Variants in SLC1A3 observed in about 807,000 individuals in gnomAD.
SLC1A3 encodes the protein solute carrier family 1 member 3, also known as excitatory amino acid transporter 1.
SLC1A3 carries 21 observed loss-of-function variants against 48.1 expected under a neutral mutation model. The ratio of observed to expected loss-of-function variants is 0.44; its 90% CI spans 0.31 to 0.63. SLC1A3 has a LOEUF of 0.63. Among genes scored for constraint, SLC1A3 ranks in the 20% least tolerant of loss-of-function variants. The pLI, the probability that SLC1A3 is intolerant of heterozygous loss-of-function variation, is 0.08. For missense variants in SLC1A3, 546 were observed against 689.0 expected (o/e 0.79, Z 2.32); for synonymous variants, 239 against 251.4 (o/e 0.95, Z 0.47).
intron 1 of SLC1A3, among the ~76,000 whole-genome samples, chr5:36,598,003 T>C (rs1738764478): frequency 6.6e-6 from 1 of 152,166 alleles, no homozygotes; most frequent in Non-Finnish European, 1.5e-5. Context: ...ACTGCCACGA[T>C]TTTGCCCCAC....
Position 36,683,859 on chromosome 5 carries a change from A to G in SLC1A3, c.1290-5A>G, listed in dbSNP as rs1158354141. On this transcript the variant is annotated splice_polypyrimidine_tract_variant and splice_region_variant and intron_variant, in intron 8 of 9. Transcript: ENST00000265113. The stretch of plus-strand genomic sequence containing the variant: ...TGTTTTCTGTTCTGGTACTTCTGTT[A>G]ACAGCATCACAGCCACAGCTGCCAG... The G allele has an allele frequency of 6.2e-7, 1 of 1,614,204 alleles. No individual in the cohort carries two copies. Among genetic ancestry groups the G allele is most frequent in the Non-Finnish European group, 8.5e-7 (1 of 1,180,038 alleles).
chr5:36,657,504 A>T (rs1318879676), intron 3 of SLC1A3, among the ~76,000 whole-genome samples: 1 of 138,564 alleles, frequency 7.2e-6, no homozygotes. Flanking sequence ...GTACTTTTCT[A>T]AAAAAACCCT....
intron 2 of SLC1A3, among the ~76,000 whole-genome samples, chr5:36,617,462 G>A (rs1298751787): frequency 2.8e-5 from 3 of 108,464 alleles, no homozygotes; most frequent in Admixed American, 2.6e-4. Flanking sequence ...TACTTATGTA[G>A]TAAATAAATT....
intron 2 of SLC1A3, among the ~76,000 whole-genome samples, chr5:36,616,884 A>G (rs1739458366): frequency 6.6e-6 from 1 of 152,198 alleles, no homozygotes; most frequent in Non-Finnish European, 1.5e-5. Flanking sequence ...AAAAGTAGTC[A>G]TGCTTTTATT....
chr5:36,633,379 A>C lies in SLC1A3; in HGVS notation c.319+3792A>C, dbSNP rs112530553. ...GTGTTGGGCATGATGTAAGTAAAAG[A>C]GGTGAGAGAGGAGTGTCAACACGAG... On this transcript the variant is annotated intron_variant, in intron 3 of 9. Coordinates refer to ENST00000265113, the MANE Select transcript of SLC1A3 (RefSeq NM_004172.5). Among the ~76,000 whole-genome samples, 788 of 152,300 alleles carry C rather than the reference A, an allele frequency of 5.2e-3. 1 individual carries two copies. The highest frequency in any genetic ancestry group is 8.7e-3 in the Non-Finnish European group (593 of 68,030).
At chr5:36,613,618 A>ACGAT (rs1739298582) in intron 2 of SLC1A3, 1 of 152,134 alleles carries the variant, frequency 6.6e-6, no homozygotes, top group Non-Finnish European at 1.5e-5. Context: ...AATCCAAACA[A>ACGAT]CGATGGACAG....
Position 36,687,045 on chromosome 5 carries a change from A to T in SLC1A3, c.*776A>T, listed in dbSNP as rs1337854013. The T allele has an allele frequency of 6.6e-6, 1 of 152,444 alleles. No homozygotes were observed. Among genetic ancestry groups the T allele is most frequent in the African/African-American group, 2.4e-5 (1 of 41,468 alleles). 9.4% of individuals were successfully genotyped at this position (152,444 alleles called of 1,614,324 possible). Reference sequence around the variant, plus strand: ...ACTTCAATGGGAGTGAACATTTCTAACTAAGGACAGGATGGCTGTGTGTGG... The same window carrying T: ...ACTTCAATGGGAGTGAACATTTCTATCTAAGGACAGGATGGCTGTGTGTGG... On this transcript the variant is annotated 3_prime_UTR_variant, in exon 10 of 10. Transcript: ENST00000265113.
rs1343219155 is a variant in SLC1A3 at position 36,686,956 on chromosome 5, T to G, written c.*687T>G. ...CATCCTGTGATGTCATGAAAGCACC[T>G]GCCCTCTGTTTCCCCTCAGAACACC... On this transcript the variant is annotated 3_prime_UTR_variant, in exon 10 of 10. Coordinates refer to ENST00000265113, the MANE Select transcript of SLC1A3 (RefSeq NM_004172.5). 1 of 155,360 alleles carries G rather than the reference T, an allele frequency of 6.4e-6. No homozygotes were observed. The highest frequency in any genetic ancestry group is 1.9e-4 in the East Asian group (1 of 5,256). The allele number at this position is 155,360 out of a possible 1,614,324, so 9.6% of individuals were successfully genotyped here. A position where few individuals can be genotyped will look rare whatever the true frequency, so the allele number is the denominator to read the frequency against.
chr5:36,629,427 CTTTTTT>C lies in SLC1A3; in HGVS notation c.182-13_182-8del, dbSNP rs78316512. On this transcript the variant is annotated splice_polypyrimidine_tract_variant and intron_variant, in intron 2 of 9. Transcript: ENST00000265113. The stretch of plus-strand genomic sequence containing the variant: ...CAAAAAAGACTCAATTTTTCTTTTT[CTTTTTT>C]TTTTTTTTTCCTTCAGGTACAATCC... 3 of 1,456,486 alleles carry C rather than the reference CTTTTTT, an allele frequency of 2.1e-6. No individual in the cohort carries two copies. Among genetic ancestry groups the C allele is most frequent in the South Asian group, 1.2e-5 (1 of 85,396 alleles). 90.2% of individuals were successfully genotyped at this position (1,456,486 alleles called of 1,614,324 possible). A position where few individuals can be genotyped will look rare whatever the true frequency, so the allele number is the denominator to read the frequency against.
upstream of SLC1A3, among the ~76,000 whole-genome samples, chr5:36,602,784 G>A (rs1273096518): frequency 1.3e-5 from 2 of 152,172 alleles, no homozygotes; most frequent in Admixed American, 1.3e-4. Flanking sequence ...TTCTGCCCTT[G>A]CTCAGTCCTC....
At chr5:36,678,780 G>C (rs900716195) in intron 6 of SLC1A3, among the ~76,000 whole-genome samples, 2 of 152,210 alleles carry the variant, frequency 1.3e-5, no homozygotes, top group Non-Finnish European at 2.9e-5. Flanking sequence ...ATTGTCTGCA[G>C]AAGGAAAGCT....
chr5:36,663,964 A>G (rs1741627666), intron 3 of SLC1A3, among the ~76,000 whole-genome samples: 1 of 152,192 alleles, frequency 6.6e-6, no homozygotes, highest in East Asian at 1.9e-4. Context: ...AATGTCCATA[A>G]AATTTCTGTT....
chr5:36,628,748 A>C lies in SLC1A3; in HGVS notation c.182-702A>C, dbSNP rs532887715. The stretch of plus-strand genomic sequence containing the variant: ...TTTTAAAGTTTCAGTTGTAGAGGGA[A>C]AATTAAGGGGAAAATTGCGTTCTCT... On this transcript the variant is annotated intron_variant, in intron 2 of 9. Transcript: ENST00000265113. Among the ~76,000 whole-genome samples, 204 of 152,318 alleles carry C rather than the reference A, an allele frequency of 1.3e-3. 2 individuals are homozygous for C. Among genetic ancestry groups the C allele is most frequent in the African/African-American group, 4.8e-3 (201 of 41,566 alleles).
At chr5:36,677,451 A>C (rs1385117551) in intron 6 of SLC1A3, among the ~76,000 whole-genome samples, 3 of 152,058 alleles carry the variant, frequency 2.0e-5, no homozygotes, top group Non-Finnish European at 4.4e-5. Flanking sequence ...TCATTTCTCC[A>C]TTTTTTATCT....
intron 3 of SLC1A3, among the ~76,000 whole-genome samples, chr5:36,653,929 C>T (rs1390058245): frequency 2.0e-5 from 3 of 152,224 alleles, no homozygotes; most frequent in Non-Finnish European, 4.4e-5. Context: ...CTGCAACCTT[C>T]GCCTCCTGAG....
chr5:36,625,487 A>G (rs1368643885), intron 2 of SLC1A3, among the ~76,000 whole-genome samples: 1 of 152,160 alleles, frequency 6.6e-6, no homozygotes, highest in African/African-American at 2.4e-5. Flanking sequence ...AAATAGATAC[A>G]ATAATATCTA....
At chr5:36,671,339 C>G in intron 4 of SLC1A3, 106 bp downstream of exon 4, 1 of 783,558 alleles carries the variant, frequency 1.3e-6, no homozygotes, top group Non-Finnish European at 2.2e-6. Flanking sequence ...ACCAGCCTTG[C>G]CAGGCTTGAA....
At chr5:36,672,459 CAA>C (rs1407521415) in intron 4 of SLC1A3, among the ~76,000 whole-genome samples, 1 of 152,226 alleles carries the variant, frequency 6.6e-6, no homozygotes, top group Non-Finnish European at 1.5e-5. Context: ...CCTGTCTTCC[CAA>C]AGACTAGCTC....
At chr5:36,655,110 G>A (rs1182562211) in intron 3 of SLC1A3, among the ~76,000 whole-genome samples, 1 of 152,158 alleles carries the variant, frequency 6.6e-6, no homozygotes, top group Non-Finnish European at 1.5e-5. Context: ...GGACCTGGAG[G>A]TGAGCTCACG....
Sources: gnomAD v4.1 joint callset for allele counts (sites outside exome capture counted in the v4.1 genomes callset) on GRCh38, gnomAD v4.1.1 for gene constraint, MANE v1.5 for transcripts, NCBI Gene and HGNC (gene_info 2026-07-23, HGNC 2026-07-21) for gene names.